The following SETD2 variants were observed in gnomAD, a reference collection of about 807,000 sequenced individuals.
The protein encoded by SETD2 is histone-lysine N-methyltransferase SETD2.
SETD2 carries 31 observed loss-of-function variants against 242.1 expected under a neutral mutation model. That is an observed-to-expected ratio of 0.13 (90% CI 0.10 to 0.17). SETD2 has a LOEUF of 0.17. SETD2 is among the 10% of genes least tolerant of loss of function. The probability of loss-of-function intolerance (pLI) is 1.00; values close to 1 mark genes in which losing one functional copy is unlikely to be tolerated. For synonymous variants in SETD2, 1,006 were observed against 1,066.5 expected (o/e 0.94, Z 1.11); for missense variants, 2,481 against 3,046.3 (o/e 0.81, Z 4.37).
intron 18 of SETD2, among the ~76,000 whole-genome samples, chr3:47,033,530 A>C (rs2038868563): frequency 6.6e-6 from 1 of 152,178 alleles, no homozygotes; most frequent in Middle Eastern, 3.2e-3. Flanking sequence ...AGGGGGACTC[A>C]GCTCTTGAGT....
At chr3:47,046,458 T>C (rs1429874721) in intron 16 of SETD2, 29 bp downstream of exon 16, 1 of 1,546,878 alleles carries the variant, frequency 6.5e-7, no homozygotes, top group Non-Finnish European at 8.7e-7. Flanking sequence ...AGACAGCCAA[T>C]GAGTTTTAAC....
At chr3:47,083,572 G>C in intron 12 of SETD2, 148 bp downstream of exon 12, 1 of 741,972 alleles carries the variant, frequency 1.3e-6, no homozygotes, top group Non-Finnish European at 2.2e-6. Flanking sequence ...GAGGATGTTT[G>C]AGACACTTAT....
intron 14 of SETD2, among the ~76,000 whole-genome samples, chr3:47,058,835 C>T (rs1369771005): frequency 1.3e-5 from 2 of 151,494 alleles, no homozygotes; most frequent in African/African-American, 4.9e-5. Flanking sequence ...CACTCTGTTG[C>T]CCAGACTGGA....
Position 47,017,137 on chromosome 3 carries a change from A to G in SETD2, c.7651T>C (p.Phe2551Leu). 1 of 1,613,992 alleles carries G rather than the reference A, an allele frequency of 6.2e-7. No homozygotes were observed. The highest frequency in any genetic ancestry group is 8.5e-7 in the Non-Finnish European group (1 of 1,179,996). The change falls in exon 21 of 21, where the codon TTT becomes CTT. Residue 2551 changes from phenylalanine (F) to leucine (L), a missense_variant. Phe to Leu is a conservative substitution (Grantham distance 22, BLOSUM62 0). Around this residue, in one of 17 missense-constraint regions of SETD2, gnomAD observed 29 missense variants for 46.7 expected, o/e 0.62. Transcript: ENST00000409792. This position sits in a 1 kb window ranked among gnomAD's most constrained non-coding sequence, Gnocchi z 4.8. ...KEYIKKYMQKFGAVYKPKEDT... is the reference protein window; with the variant it reads ...KEYIKKYMQKLGAVYKPKEDT... Reference sequence around the variant, plus strand: ...TCTTTGGGTTTGTAAACAGCCCCAAACTTCTGCATGTACTTCTTAATGTAC... The same window carrying G: ...TCTTTGGGTTTGTAAACAGCCCCAAGCTTCTGCATGTACTTCTTAATGTAC...
In SETD2 at chr3:47,029,065, ATT is replaced by A. The variant is rs35295276; in HGVS notation, c.7350+8599_7350+8600del. 8.3e-3 allele frequency: 1,304 copies of A among 156,264 alleles called. 6 individuals carry two copies. The highest frequency in any genetic ancestry group is 0.021 in the Middle Eastern group (7 of 328). The allele number at this position is 156,264 out of a possible 1,614,324, so 9.7% of individuals were successfully genotyped here. On this transcript the variant is annotated intron_variant, in intron 18 of 20. Coordinates refer to ENST00000409792, the MANE Select transcript of SETD2 (RefSeq NM_014159.7). Reference sequence around the variant, plus strand: ...ACTATCAAACACCCCCAAACTTTTAATTTTTTTTTTTTTTTTGAGACGAGGTC... The same window carrying A: ...ACTATCAAACACCCCCAAACTTTTAATTTTTTTTTTTTTTGAGACGAGGTC...
intron 12 of SETD2, among the ~76,000 whole-genome samples, chr3:47,074,651 T>A (rs1023692554): frequency 6.6e-6 from 1 of 152,226 alleles, no homozygotes; most frequent in African/African-American, 2.4e-5. Context: ...GGAGCCCTCC[T>A]GATACCCAAA....
At chr3:47,137,016 G>A (rs2043603454) in intron 1 of SETD2, among the ~76,000 whole-genome samples, 1 of 152,066 alleles carries the variant, frequency 6.6e-6, no homozygotes, top group African/African-American at 2.4e-5. Flanking sequence ...CACACTAGAA[G>A]CCCAATCCCC....
rs768072239 is a variant in SETD2 at position 47,123,113 on chromosome 3, C to T, written c.1523G>A (p.Gly508Asp). Residue 508 changes from glycine to aspartate, a missense_variant, in exon 3 of 21, where the codon GGC (glycine) becomes GAC (aspartate). Physicochemically the swap from Gly to Asp is moderately conservative, Grantham distance 94. Transcript: ENST00000409792. Reference protein sequence around the residue: ...ETSYLEMERRGKYSSKLERES... With the variant: ...ETSYLEMERRDKYSSKLERES... ...TCTTTCTAGTTTTGAAGAATACTTG[C>T]CTCTTCTTTCCATCTCTAAGTAAGA... 3.7e-6 allele frequency: 6 copies of T among 1,612,758 alleles called. No homozygotes were observed. The highest frequency in any genetic ancestry group is 5.1e-6 in the Non-Finnish European group (6 of 1,178,890).
chr3:47,024,185 CA>C (rs2038363288), intron 18 of SETD2, among the ~76,000 whole-genome samples: 1 of 151,990 alleles, frequency 6.6e-6, no homozygotes, highest in East Asian at 1.9e-4. Context: ...ATTAAAAATA[CA>C]AAAAGGCCAG....
chr3:47,070,223 G>T (rs1269320876), intron 12 of SETD2, among the ~76,000 whole-genome samples: 1 of 152,162 alleles, frequency 6.6e-6, no homozygotes, highest in East Asian at 1.9e-4. Context: ...CAAAAGTTTA[G>T]ATCAACTACT....
intron 1 of SETD2, among the ~76,000 whole-genome samples, chr3:47,152,694 C>A (rs1393111284): frequency 2.0e-5 from 3 of 152,258 alleles, no homozygotes; most frequent in African/African-American, 7.2e-5. Flanking sequence ...CGATAATAGT[C>A]CTCCCCAAAG....
intron 1 of SETD2, among the ~76,000 whole-genome samples, chr3:47,138,490 C>T (rs2043646288): frequency 6.6e-6 from 1 of 151,996 alleles, no homozygotes; most frequent in African/African-American, 2.4e-5. Context: ...GGCATGATCT[C>T]GGCTCACCAC....
chr3:47,056,291 A>AT (rs925793960), intron 15 of SETD2, among the ~76,000 whole-genome samples: 2 of 150,912 alleles, frequency 1.3e-5, no homozygotes, highest in African/African-American at 2.4e-5. Context: ...TGGCCGGCTA[A>AT]TTTTTTTTAT....
At chr3:47,132,950 T>TTAAGGTCTATAGGTTAGAAAATAATA (rs2043511970) in intron 1 of SETD2, among the ~76,000 whole-genome samples, 1 of 152,228 alleles carries the variant, frequency 6.6e-6, no homozygotes, top group African/African-American at 2.4e-5. Flanking sequence ...AAAATAATTT[T>TTAAGGTCTATAGGTTAGAAAATAATA]TAAGGTCTAT....
chr3:47,060,379 A>C (rs1328514023), intron 14 of SETD2, among the ~76,000 whole-genome samples: 5 of 152,114 alleles, frequency 3.3e-5, no homozygotes, highest in Non-Finnish European at 7.3e-5. Context: ...AAGAAGAGTA[A>C]AAGTCTGAGA....
chr3:47,057,517 AG>A (rs761095922), intron 14 of SETD2, 27 bp from the exon 15 acceptor site: 10 of 1,573,402 alleles, frequency 6.4e-6, no homozygotes, highest in Middle Eastern at 3.3e-4. Flanking sequence ...GACCACAAAA[AG>A]TTGCTCCCTA....
Position 47,017,357 on chromosome 3 carries a change from T to G in SETD2, c.7534-103A>C. ...ATCCAGCCTGCTGCTTCAGGGCCCT[T>G]CTCACCAAGACAGGAAGTTAATAAG... On this transcript the variant is annotated intron_variant, in intron 20 of 20. Coordinates refer to ENST00000409792, the MANE Select transcript of SETD2 (RefSeq NM_014159.7). This position sits in a 1 kb window ranked among gnomAD's most constrained non-coding sequence, Gnocchi z 4.8. 1 of 1,247,162 alleles carries G rather than the reference T, an allele frequency of 8.0e-7. No individual in the cohort carries two copies. Among genetic ancestry groups the G allele is most frequent in the Admixed American group, 2.2e-5 (1 of 46,278 alleles). 77.3% of individuals were successfully genotyped at this position (1,247,162 alleles called of 1,614,324 possible). A position where few individuals can be genotyped will look rare whatever the true frequency, so the allele number is the denominator to read the frequency against.
intron 1 of SETD2, among the ~76,000 whole-genome samples, chr3:47,148,872 G>A (rs1182135420): frequency 1.3e-5 from 2 of 152,180 alleles, no homozygotes; most frequent in Non-Finnish European, 2.9e-5. Flanking sequence ...ATGAAGGCTT[G>A]AGTTTCATAC....
At chr3:47,038,834 A>C (rs535433224) in intron 17 of SETD2, among the ~76,000 whole-genome samples, 2 of 152,344 alleles carry the variant, frequency 1.3e-5, no homozygotes, top group Admixed American at 1.3e-4. Context: ...GCTGTAACAG[A>C]GAATGTTATG....
Sources: allele counts gnomAD v4.1 joint callset (sites outside exome capture counted in the v4.1 genomes callset), GRCh38; gene constraint gnomAD v4.1.1; regional missense constraint gnomAD v4.1.1; non-coding constraint Gnocchi (gnomAD v3.1); transcripts MANE v1.5; gene names NCBI Gene and HGNC (gene_info 2026-07-23, HGNC 2026-07-21).